The following NPY2R variants were observed in gnomAD, a reference collection of about 807,000 sequenced individuals.
The protein encoded by NPY2R is neuropeptide Y receptor Y2, also known as neuropeptide Y receptor type 2.
In NPY2R, 17 loss-of-function variants were observed where a neutral mutation model predicts 22.3. That is an observed-to-expected ratio of 0.76 (90% CI 0.52 to 1.14). The LOEUF is 1.14. Among genes scored for constraint, NPY2R ranks in the 50% most tolerant of loss-of-function variants. The probability of loss-of-function intolerance (pLI) is 0.00; values close to 1 mark genes in which losing one functional copy is unlikely to be tolerated. For synonymous variants in NPY2R, 209 were observed against 183.4 expected, an observed-to-expected ratio of 1.14 and a Z score of -1.13; for missense variants, 424 against 467.9, an observed-to-expected ratio of 0.91 and a Z score of 0.87.
chr4:155,195,662 G>A, the NPY2R span, among the ~76,000 whole-genome samples: 2 of 151,726 alleles, frequency 1.3e-5, no homozygotes, highest in Non-Finnish European at 2.9e-5. Context: ...TTAACAGAAG[G>A]CTATATTTAC....
chr4:155,214,391 G>T lies in NPY2R; in HGVS notation c.452G>T (p.Cys151Phe), dbSNP rs751000801. 1.2e-6 allele frequency: 2 copies of T among 1,614,120 alleles called. No homozygotes were observed. Among genetic ancestry groups the T allele is most frequent in the Non-Finnish European group, 1.7e-6 (2 of 1,180,032 alleles). Residue 151 changes from cysteine to phenylalanine, a missense_variant, in exon 2 of 2, where the codon TGC becomes TTC. Transcript: ENST00000329476. Reference protein sequence around the residue: ...LTVIALDRHRCIVYHLESKIS... With the variant: ...LTVIALDRHRFIVYHLESKIS... ...GTAATTGCCCTGGACCGGCACAGGT[G>T]CATCGTCTACCACCTAGAGAGCAAG... is the stretch of plus-strand genomic sequence containing the variant.
the NPY2R span, among the ~76,000 whole-genome samples, chr4:155,177,421 A>G: frequency 6.6e-6 from 1 of 152,180 alleles, no homozygotes; most frequent in Non-Finnish European, 1.5e-5. Flanking sequence ...GGCAAACAAC[A>G]TTAACTCTTA....
Position 155,214,898 on chromosome 4 carries a change from C to T in NPY2R, c.959C>T (p.Ala320Val). 6.2e-7 allele frequency: 1 copy of T among 1,612,792 alleles called. No homozygotes were observed. The highest frequency in any genetic ancestry group is 8.5e-7 in the Non-Finnish European group (1 of 1,179,092). ...ATCATCGCCATGTGCTCCACTTTTG[C>T]CAATCCCCTTCTCTATGGCTGGATG... ...FHIIAMCSTF[A>V]NPLLYGWMNS... The change falls in exon 2 of 2, where the codon GCC becomes GTC. Residue 320 changes from alanine to valine, a missense_variant. Transcript: ENST00000329476.
At chr4:155,194,039 T>A in the NPY2R span, among the ~76,000 whole-genome samples, 1 of 151,908 alleles carries the variant, frequency 6.6e-6, no homozygotes, top group African/African-American at 2.4e-5. Context: ...GCTTAGCATG[T>A]TAATGGACTG....
the NPY2R span, among the ~76,000 whole-genome samples, chr4:155,186,457 A>G: frequency 1.3e-5 from 2 of 152,136 alleles, no homozygotes; most frequent in Non-Finnish European, 2.9e-5. Flanking sequence ...TTTTGTTTAT[A>G]TTTTTAAATT....
At chr4:155,190,869 C>T in the NPY2R span, among the ~76,000 whole-genome samples, 20 of 151,884 alleles carry the variant, frequency 1.3e-4, no homozygotes, top group African/African-American at 3.6e-4. Flanking sequence ...TCTATGTTGG[C>T]TCTCTCATTG....
intron 1 of NPY2R, among the ~76,000 whole-genome samples, chr4:155,212,191 G>A (rs75151666): frequency 0.013 from 2,033 of 152,200 alleles, 45 homozygotes; most frequent in African/African-American, 0.046. Context: ...TCATTGAAAG[G>A]TTCATAAAAA....
At chr4:155,178,831 T>C in the NPY2R span, among the ~76,000 whole-genome samples, 1 of 152,220 alleles carries the variant, frequency 6.6e-6, no homozygotes, top group South Asian at 2.1e-4. Context: ...ACCCTGCAGA[T>C]ATTTCTTCAA....
At chr4:155,193,237 A>G in the NPY2R span, among the ~76,000 whole-genome samples, 1 of 151,910 alleles carries the variant, frequency 6.6e-6, no homozygotes, top group South Asian at 2.1e-4. Flanking sequence ...TAGGTTCAAT[A>G]CCATTACCCC....
chr4:155,174,484 A>ATATATATATATATGTATATT, the NPY2R span, among the ~76,000 whole-genome samples: 21 of 106,072 alleles, frequency 2.0e-4, no homozygotes, highest in African/African-American at 7.2e-4. Context: ...ATATATATAT[A>ATATATATATATATGTATATT]TTTTTTTTTT....
the NPY2R span, among the ~76,000 whole-genome samples, chr4:155,185,083 A>AGGTT: frequency 6.7e-6 from 1 of 150,178 alleles, no homozygotes; most frequent in African/African-American, 2.4e-5. Flanking sequence ...TCTGTCACCC[A>AGGTT]GGTTGGAGTA....
chr4:155,191,260 C>A, the NPY2R span, among the ~76,000 whole-genome samples: 1 of 151,816 alleles, frequency 6.6e-6, no homozygotes, highest in Non-Finnish European at 1.5e-5. Context: ...TTGGTTAATG[C>A]GAACCTAGCT....
At chr4:155,194,922 G>C in the NPY2R span, among the ~76,000 whole-genome samples, 2 of 151,828 alleles carry the variant, frequency 1.3e-5, no homozygotes, top group Admixed American at 1.3e-4. Context: ...TTTCATAATA[G>C]CCATTCTGAC....
At chr4:155,189,960 A>G in the NPY2R span, among the ~76,000 whole-genome samples, 5 of 151,990 alleles carry the variant, frequency 3.3e-5, no homozygotes, top group African/African-American at 1.2e-4. Flanking sequence ...ATCCGTATTT[A>G]GTGATATCAA....
the NPY2R span, among the ~76,000 whole-genome samples, chr4:155,183,987 C>G: frequency 1.3e-5 from 2 of 152,210 alleles, no homozygotes; most frequent in Admixed American, 6.5e-5. Context: ...CTCTTACCTA[C>G]AAATGTGTCC....
At position 155,216,608 on chromosome 4, in the gene NPY2R, A is replaced by C. The variant is rs1307261706; in HGVS notation, c.*1523A>C. ...CTTTGTGGATATATTTAAAATTCAT[A>C]TTATAGCTCCTATTAAATTCCTTCC... On this transcript the variant is annotated 3_prime_UTR_variant, in exon 2 of 2. Coordinates refer to ENST00000329476, the MANE Select transcript of NPY2R (RefSeq NM_000910.4). 1 of 166,966 alleles carries C rather than the reference A, an allele frequency of 6.0e-6. No individual in the cohort carries two copies. The highest frequency in any genetic ancestry group is 1.5e-5 in the Non-Finnish European group (1 of 68,054). The allele number at this position is 166,966 out of a possible 1,614,324, so 10.3% of individuals were successfully genotyped here. A position where few individuals can be genotyped will look rare whatever the true frequency, so the allele number is the denominator to read the frequency against.
At chr4:155,181,907 T>C in the NPY2R span, among the ~76,000 whole-genome samples, 1 of 152,156 alleles carries the variant, frequency 6.6e-6, no homozygotes, top group South Asian at 2.1e-4. Flanking sequence ...AGGATGAACA[T>C]GAACAGGTTA....
chr4:155,187,551 TGAGA>T, the NPY2R span, among the ~76,000 whole-genome samples: 21 of 149,370 alleles, frequency 1.4e-4, no homozygotes, highest in African/African-American at 2.0e-4. Context: ...AGGAGCAGCG[TGAGA>T]GAGAGAGAGA....
In NPY2R at chr4:155,214,068, T is replaced by C. The variant is rs1729458738; in HGVS notation, c.129T>C (p.Ser43=). The C allele has an allele frequency of 1.2e-6, 2 of 1,613,936 alleles. No homozygotes were observed. Among genetic ancestry groups the C allele is most frequent in the South Asian group, 1.1e-5 (1 of 91,074 alleles). Residue 43 remains serine, a synonymous_variant, in exon 2 of 2, where the codon AGT becomes AGC. Transcript: ENST00000329476. ...ACCCTGAGCCAGAGCTTATAGATAG[T>C]ACCAAGCTGATTGAGGTACAAGTTG... ...VPDPEPELID[S]TKLIEVQVVL...
Sources: gnomAD v4.1 joint callset for allele counts (sites outside exome capture counted in the v4.1 genomes callset) on GRCh38, gnomAD v4.1.1 for gene constraint, MANE v1.5 for transcripts, NCBI Gene and HGNC (gene_info 2026-07-23, HGNC 2026-07-21) for gene names.